Variants in ST3GAL3 observed in about 807,000 individuals in gnomAD.
ST3GAL3 encodes CMP-N-acetylneuraminate-beta-1,4-galactoside alpha-2,3-sialyltransferase.
ST3GAL3 carries 21 observed loss-of-function variants against 50.1 expected under a neutral mutation model. The observed-to-expected ratio is 0.42, with a 90% CI of 0.30 to 0.60. The LOEUF is 0.60. Among genes scored for constraint, ST3GAL3 ranks in the 20% least tolerant of loss-of-function variants. The pLI is 0.19. For synonymous variants in ST3GAL3, 183 were observed against 190.0 expected (o/e 0.96, Z 0.30); for missense variants, 353 against 489.4 (o/e 0.72, Z 2.63).
intron 5 of ST3GAL3, among the ~76,000 whole-genome samples, chr1:43,857,511 C>T (rs1249503830): frequency 6.9e-6 from 1 of 144,928 alleles, no homozygotes; most frequent in Non-Finnish European, 1.5e-5. Flanking sequence ...CTCTTCCTTC[C>T]TTCCTTCCTT....
At chr1:43,917,842 TA>T (rs2082333285) in intron 9 of ST3GAL3, among the ~76,000 whole-genome samples, 1 of 147,748 alleles carries the variant, frequency 6.8e-6, no homozygotes, top group Non-Finnish European at 1.5e-5. Flanking sequence ...CTAATTTTTG[TA>T]TTTTTTGGTA....
intron 5 of ST3GAL3, among the ~76,000 whole-genome samples, chr1:43,847,999 A>C (rs999563427): frequency 6.6e-6 from 1 of 152,068 alleles, no homozygotes; most frequent in East Asian, 1.9e-4. Context: ...TCAGTGTTGG[A>C]TTGTCTGAAC....
chr1:43,854,909 C>T (rs975311865), intron 5 of ST3GAL3, among the ~76,000 whole-genome samples: 3 of 152,176 alleles, frequency 2.0e-5, no homozygotes, highest in Non-Finnish European at 4.4e-5. Context: ...GTTCCTTCCC[C>T]TGAGCCCTGA....
intron 1 of ST3GAL3, among the ~76,000 whole-genome samples, chr1:43,729,480 T>C (rs1674647438): frequency 6.6e-6 from 1 of 152,198 alleles, no homozygotes; most frequent in African/African-American, 2.4e-5. Context: ...AACTTTCTTC[T>C]CCATCATTGG....
rs768214917 is a variant in ST3GAL3 at position 43,899,148 on chromosome 1, C to G, written c.462-20C>G. 1.2e-6 allele frequency: 2 copies of G among 1,613,946 alleles called. No homozygotes were observed. The highest frequency in any genetic ancestry group is 1.3e-5 in the African/African-American group (1 of 75,028). On this transcript the variant is annotated intron_variant, in intron 7 of 11. Coordinates refer to ENST00000347631, the MANE Select transcript of ST3GAL3 (RefSeq NM_006279.5). This position sits in a 1 kb window ranked among gnomAD's most constrained non-coding sequence, Gnocchi z 5.4. ...GGTGGGCAGCTCTCTGTACAGAGGT[C>G]TCCGCCTCTCTCCCCTCAGCCTCCG...
intron 10 of ST3GAL3, 78 bp from the exon 11 acceptor site, chr1:43,920,704 C>T (rs1311247568): frequency 6.2e-7 from 1 of 1,612,238 alleles, no homozygotes. Context: ...CTCTAGGGAG[C>T]TTGGCTGAAG....
intron 5 of ST3GAL3, chr1:43,879,169 G>A (rs1008380481): frequency 2.3e-6 from 1 of 444,412 alleles, no homozygotes; most frequent in Non-Finnish European, 4.5e-6. Context: ...TTGGAAAGAT[G>A]CAGAGCCGTT....
At chr1:43,773,357 A>G (rs1298755744) in intron 2 of ST3GAL3, among the ~76,000 whole-genome samples, 2 of 152,126 alleles carry the variant, frequency 1.3e-5, no homozygotes, top group African/African-American at 2.4e-5. Context: ...TGAGCTTACT[A>G]CATGCTCTGG....
chr1:43,824,032 G>A (rs1205830307), intron 4 of ST3GAL3, among the ~76,000 whole-genome samples: 3 of 152,158 alleles, frequency 2.0e-5, no homozygotes, highest in African/African-American at 7.2e-5. Context: ...GCAAGAACTA[G>A]GAATGTTCTG....
At chr1:43,761,018 TC>T (rs1248414450) in intron 2 of ST3GAL3, among the ~76,000 whole-genome samples, 12 of 152,204 alleles carry the variant, frequency 7.9e-5, no homozygotes, top group African/African-American at 2.9e-4. Context: ...AACAGGCAAA[TC>T]TATAGAGTCA....
At chr1:43,910,566 TTGCCTGC>T (rs1485756276) in intron 9 of ST3GAL3, among the ~76,000 whole-genome samples, 1 of 152,200 alleles carries the variant, frequency 6.6e-6, no homozygotes, top group Non-Finnish European at 1.5e-5. Flanking sequence ...ACAAGAAATA[TTGCCTGC>T]CCACTGGGCA....
Position 43,764,348 on chromosome 1 carries a change from GT to G in ST3GAL3, c.119-27753del, listed in dbSNP as rs538155830. The stretch of plus-strand genomic sequence containing the variant: ...TCAATTTTAAAGGTTCCATCCCACT[GT>G]GATTTTGTGTATTTTTGATTGGAAA... On this transcript the variant is annotated intron_variant, in intron 2 of 11. Coordinates refer to ENST00000347631, the MANE Select transcript of ST3GAL3 (RefSeq NM_006279.5). Among the ~76,000 whole-genome samples the G allele has an allele frequency of 2.4e-4, 37 of 152,244 alleles. 1 individual carries two copies. In the East Asian group the frequency reaches 6.0e-3, roughly 25 times the overall value.
At chr1:43,812,289 C>G (rs1459484908) in intron 3 of ST3GAL3, among the ~76,000 whole-genome samples, 1 of 152,160 alleles carries the variant, frequency 6.6e-6, no homozygotes, top group Middle Eastern at 3.2e-3. Flanking sequence ...TGCGTTGCTG[C>G]CTGGCACAGT....
At chr1:43,851,792 C>T (rs1054704422) in intron 5 of ST3GAL3, among the ~76,000 whole-genome samples, 6 of 152,170 alleles carry the variant, frequency 3.9e-5, no homozygotes, top group Admixed American at 6.5e-5. Context: ...CTCAGTCCCA[C>T]GCCGCCACCA....
At chr1:43,830,961 CAGT>C (rs1233233578) in intron 4 of ST3GAL3, among the ~76,000 whole-genome samples, 13 of 152,218 alleles carry the variant, frequency 8.5e-5, no homozygotes. Context: ...AACATTAAAA[CAGT>C]AGGAACAGTG....
At chr1:43,816,137 G>A (rs767263527) in intron 4 of ST3GAL3, among the ~76,000 whole-genome samples, 5 of 152,058 alleles carry the variant, frequency 3.3e-5, no homozygotes, top group East Asian at 1.9e-4. Context: ...TGTACCAGGC[G>A]GACATCATGA....
intron 2 of ST3GAL3, among the ~76,000 whole-genome samples, chr1:43,758,577 A>G (rs1055856987): frequency 6.6e-6 from 1 of 152,302 alleles, no homozygotes; most frequent in South Asian, 2.1e-4. Flanking sequence ...AAATTGAGAG[A>G]CAGCATTAAG....
chr1:43,882,978 T>G (rs1558716142), intron 5 of ST3GAL3, among the ~76,000 whole-genome samples: 2 of 121,046 alleles, frequency 1.7e-5, no homozygotes, highest in African/African-American at 8.1e-5. Flanking sequence ...TTTATTTATT[T>G]AGAGACAGGC....
At chr1:43,808,886 A>G (rs1193595320) in intron 3 of ST3GAL3, among the ~76,000 whole-genome samples, 1 of 152,206 alleles carries the variant, frequency 6.6e-6, no homozygotes, top group Non-Finnish European at 1.5e-5. Flanking sequence ...AAAACTGTAT[A>G]ATGCATGGGG....
Sources: allele counts gnomAD v4.1 joint callset (sites outside exome capture counted in the v4.1 genomes callset), GRCh38; gene constraint gnomAD v4.1.1; non-coding constraint Gnocchi (gnomAD v3.1); transcripts MANE v1.5; gene names NCBI Gene and HGNC (gene_info 2026-07-23, HGNC 2026-07-21).